Variants in SYT1 observed in about 807,000 individuals in gnomAD.
The protein encoded by SYT1 is synaptotagmin-1.
In SYT1, 8 loss-of-function variants were observed where a neutral mutation model predicts 44.8. The observed-to-expected ratio is 0.18, with a 90% CI of 0.10 to 0.32. The LOEUF is 0.32. Among genes scored for constraint, SYT1 ranks in the 10% least tolerant of loss-of-function variants. The probability of loss-of-function intolerance (pLI) is 1.00; values close to 1 mark genes in which losing one functional copy is unlikely to be tolerated. For missense variants in SYT1, 286 were observed against 509.3 expected, an observed-to-expected ratio of 0.56 and a Z score of 4.22; for synonymous variants, 154 against 188.8, an observed-to-expected ratio of 0.82 and a Z score of 1.51.
intron 1 of SYT1, among the ~76,000 whole-genome samples, chr12:78,884,988 A>G (rs75753522): frequency 0.03 from 4,510 of 151,938 alleles, 217 homozygotes; most frequent in African/African-American, 0.1. Context: ...AACTATTATA[A>G]TGCTTATTTT....
intron 3 of SYT1, among the ~76,000 whole-genome samples, chr12:79,120,977 G>A (rs12305880): frequency 3.0e-4 from 44 of 144,776 alleles, no homozygotes; most frequent in African/African-American, 1.1e-3. Flanking sequence ...ACACACATTT[G>A]TATATATATA....
intron 2 of SYT1, among the ~76,000 whole-genome samples, chr12:78,979,541 G>C (rs923550607): frequency 6.6e-6 from 1 of 152,032 alleles, no homozygotes; most frequent in African/African-American, 2.4e-5. Context: ...ACAACTGACA[G>C]AAAAGCATTG....
chr12:79,339,695 T>C (rs1273331107), intron 8 of SYT1, among the ~76,000 whole-genome samples: 1 of 152,254 alleles, frequency 6.6e-6, no homozygotes, highest in Non-Finnish European at 1.5e-5. Context: ...TTGTCTATTT[T>C]GACTTTTGTT....
chr12:78,993,439 A>G (rs1870155429), intron 2 of SYT1, among the ~76,000 whole-genome samples: 1 of 152,212 alleles, frequency 6.6e-6, no homozygotes, highest in Non-Finnish European at 1.5e-5. Context: ...GAAGATATAA[A>G]GCCTATGACA....
At chr12:78,944,812 C>T (rs1878566689) in intron 1 of SYT1, among the ~76,000 whole-genome samples, 1 of 152,134 alleles carries the variant, frequency 6.6e-6, no homozygotes, top group African/African-American at 2.4e-5. Flanking sequence ...AATCAACACA[C>T]ACACACACAG....
chr12:79,154,906 C>T (rs923547613), intron 3 of SYT1, among the ~76,000 whole-genome samples: 1 of 152,134 alleles, frequency 6.6e-6, no homozygotes, highest in Non-Finnish European at 1.5e-5. Context: ...TTACTGAATA[C>T]ATCTACCAAG....
At chr12:79,319,989 G>A (rs1881276879) in intron 8 of SYT1, among the ~76,000 whole-genome samples, 1 of 152,050 alleles carries the variant, frequency 6.6e-6, no homozygotes, top group Non-Finnish European at 1.5e-5. Context: ...ATTTAATTAG[G>A]GGTACTTGAA....
At chr12:78,982,734 T>G (rs553661655) in intron 2 of SYT1, among the ~76,000 whole-genome samples, 1 of 152,286 alleles carries the variant, frequency 6.6e-6, no homozygotes, top group South Asian at 2.1e-4. Context: ...ACCTCAAAAT[T>G]TATAACTGAT....
chr12:79,068,168 C>A (rs1876007303), intron 3 of SYT1, among the ~76,000 whole-genome samples: 1 of 152,104 alleles, frequency 6.6e-6, no homozygotes, highest in Non-Finnish European at 1.5e-5. Context: ...CAAAACAGCA[C>A]AAATTAAGTC....
intron 1 of SYT1, among the ~76,000 whole-genome samples, chr12:78,876,729 T>TGTATATTATATAATATATAATATAATA (rs1874110483): frequency 2.0e-5 from 2 of 102,274 alleles, no homozygotes; most frequent in African/African-American, 7.4e-5. Flanking sequence ...ATAATATAAT[T>TGTATATTATATAATATATAATATAATA]ATATATTATA....
In SYT1 at chr12:79,020,734, C is replaced by A. The variant is rs139505417; in HGVS notation, c.-83-26563C>A. On this transcript the variant is annotated intron_variant, in intron 2 of 10. Transcript: ENST00000261205. ...GGTTTTCTGTGCTCTGGAAAGAAAG[C>A]ACTTTGAAGAAAATGCATCATTCTA... is the stretch of plus-strand genomic sequence containing the variant. 2.3e-3 allele frequency among the ~76,000 whole-genome samples: 344 copies of A among 151,958 alleles called. 1 individual carries two copies. Among genetic ancestry groups the A allele is most frequent in the African/African-American group, 7.8e-3 (323 of 41,484 alleles).
chr12:79,168,758 G>A (rs1871349578), intron 3 of SYT1, among the ~76,000 whole-genome samples: 1 of 151,968 alleles, frequency 6.6e-6, no homozygotes, highest in Admixed American at 6.6e-5. Context: ...TTTACTGAAT[G>A]TGTATAAGAT....
chr12:78,898,410 T>C (rs1273901700), intron 1 of SYT1, among the ~76,000 whole-genome samples: 1 of 152,076 alleles, frequency 6.6e-6, no homozygotes, highest in Admixed American at 6.6e-5. Flanking sequence ...ACATTTACTT[T>C]CCTTTTGGTT....
chr12:79,351,380 T>G (rs1049612503), intron 8 of SYT1, among the ~76,000 whole-genome samples: 1 of 152,164 alleles, frequency 6.6e-6, no homozygotes, highest in Non-Finnish European at 1.5e-5. Context: ...GCCCCTAAAT[T>G]AATCGTGGAA....
chr12:79,165,316 C>A (rs1319630430), intron 3 of SYT1, among the ~76,000 whole-genome samples: 2 of 151,800 alleles, frequency 1.3e-5, no homozygotes, highest in Admixed American at 6.6e-5. Context: ...TTTAAATAGC[C>A]AAATTTATTA....
chr12:79,368,284 A>C (rs1260951938), intron 9 of SYT1, among the ~76,000 whole-genome samples: 1 of 151,898 alleles, frequency 6.6e-6, no homozygotes, highest in African/African-American at 2.4e-5. Context: ...CATTTTCTTA[A>C]TCCAGTCTAT....
chr12:79,432,093 TTAA>T (rs1430779027), intron 9 of SYT1, among the ~76,000 whole-genome samples: 1 of 152,150 alleles, frequency 6.6e-6, no homozygotes, highest in Non-Finnish European at 1.5e-5. Flanking sequence ...ATATAAAAAT[TTAA>T]TAATAAACCA....
intron 4 of SYT1, among the ~76,000 whole-genome samples, chr12:79,222,760 G>T (rs1565862405): frequency 6.6e-6 from 1 of 152,178 alleles, no homozygotes; most frequent in East Asian, 1.9e-4. Flanking sequence ...CTCTGTTGAT[G>T]CTGTCCCATA....
chr12:79,219,598 G>A (rs896119159), intron 4 of SYT1, among the ~76,000 whole-genome samples: 7 of 152,004 alleles, frequency 4.6e-5, no homozygotes. Flanking sequence ...TTACTAAAGA[G>A]GCTGTTCTTT....
Sources: allele counts gnomAD v4.1 joint callset (sites outside exome capture counted in the v4.1 genomes callset), GRCh38; gene constraint gnomAD v4.1.1; transcripts MANE v1.5; gene names NCBI Gene and HGNC (gene_info 2026-07-23, HGNC 2026-07-21).